DIAPH3: variants seen among roughly 807,000 people sequenced by gnomAD.
DIAPH3 encodes diaphanous related formin 3, also known as protein diaphanous homolog 3.
Under a neutral mutation model 144.3 loss-of-function variants are expected in DIAPH3, and 117 were observed. That is an observed-to-expected ratio of 0.81 (90% CI 0.70 to 0.95). DIAPH3 has a LOEUF of 0.95. Ranked by LOEUF, DIAPH3 falls within the 40% of genes least tolerant of loss-of-function variation. The pLI, the probability that DIAPH3 is intolerant of heterozygous loss-of-function variation, is 0.00. For missense variants in DIAPH3, 1,421 were observed against 1,412.7 expected, an observed-to-expected ratio of 1.01 and a Z score of -0.09; for synonymous variants, 519 against 488.9, an observed-to-expected ratio of 1.06 and a Z score of -0.81.
At chr13:59,668,841 G>GTA (rs1330241823) in intron 27 of DIAPH3, among the ~76,000 whole-genome samples, 1 of 91,448 alleles carries the variant, frequency 1.1e-5, no homozygotes, top group East Asian at 4.6e-4. Flanking sequence ...ATATATGTAT[G>GTA]TATACACACA....
chr13:59,955,139 TTTGTAC>T (rs2049325575), intron 17 of DIAPH3, among the ~76,000 whole-genome samples: 1 of 151,802 alleles, frequency 6.6e-6, no homozygotes, highest in South Asian at 2.1e-4. Flanking sequence ...TGTATTTGTA[TTTGTAC>T]ATATGTATTT....
intron 21 of DIAPH3, among the ~76,000 whole-genome samples, chr13:59,874,207 C>T (rs1038490912): frequency 6.6e-6 from 1 of 152,150 alleles, no homozygotes; most frequent in African/African-American, 2.4e-5. Flanking sequence ...CACATCCATT[C>T]TTTCTAAGTT....
At chr13:59,797,591 A>G (rs1298719613) in intron 25 of DIAPH3, among the ~76,000 whole-genome samples, 7 of 152,220 alleles carry the variant, frequency 4.6e-5, no homozygotes, top group Admixed American at 4.6e-4. Context: ...GACTACAACA[A>G]TATCACCTGC....
chr13:59,918,635 A>C (rs1043347954), intron 18 of DIAPH3, among the ~76,000 whole-genome samples: 2 of 151,980 alleles, frequency 1.3e-5, no homozygotes, highest in Admixed American at 6.6e-5. Flanking sequence ...GGCTTAGGGC[A>C]CTCCCTAACA....
intron 27 of DIAPH3, among the ~76,000 whole-genome samples, chr13:59,670,534 T>C (rs1171474187): frequency 6.6e-6 from 1 of 150,948 alleles, no homozygotes; most frequent in African/African-American, 2.4e-5. Context: ...CCTATCCCAC[T>C]ATAATTAGAG....
chr13:59,742,885 G>A (rs949224119), intron 27 of DIAPH3, among the ~76,000 whole-genome samples: 10 of 152,114 alleles, frequency 6.6e-5, no homozygotes, highest in African/African-American at 1.4e-4. Flanking sequence ...TTTGGGGTAC[G>A]CATTTTCAAA....
chr13:60,069,063 GT>G (rs1210757533), intron 4 of DIAPH3, among the ~76,000 whole-genome samples: 1 of 152,136 alleles, frequency 6.6e-6, no homozygotes, highest in Non-Finnish European at 1.5e-5. Context: ...ACACCATACT[GT>G]TTTCAACAAT....
chr13:59,824,279 G>A lies in DIAPH3; in HGVS notation c.3027+8828C>T, dbSNP rs138929421. Among the ~76,000 whole-genome samples, 4 of 152,218 alleles carry A rather than the reference G, an allele frequency of 2.6e-5. No homozygotes were observed. In the East Asian group the frequency reaches 7.7e-4, roughly 29 times the overall value. ...TGTTTTGAGGGTATATGTATGTTAT[G>A]TAATTTGATTTTCAAAAAGTAACAT... is the stretch of plus-strand genomic sequence containing the variant. On this transcript the variant is annotated intron_variant, in intron 24 of 27. Coordinates refer to ENST00000400324, the MANE Select transcript of DIAPH3 (RefSeq NM_001042517.2).
At chr13:59,730,567 T>TA (rs1369518251) in intron 27 of DIAPH3, among the ~76,000 whole-genome samples, 1 of 152,088 alleles carries the variant, frequency 6.6e-6, no homozygotes, top group South Asian at 2.1e-4. Context: ...GGAAATAACT[T>TA]AAAAAACAAC....
chr13:59,672,114 C>T, intron 27 of DIAPH3, among the ~76,000 whole-genome samples: 1 of 152,222 alleles, frequency 6.6e-6, no homozygotes, highest in Non-Finnish European at 1.5e-5. Flanking sequence ...TTTCAGCCAA[C>T]AGTTGTTATG....
Position 60,125,394 on chromosome 13 carries a change from A to ATTTTTTTTTTTTTTTTTTTTTTTTTTTTT in DIAPH3, c.213+7562_213+7563insAAAAAAAAAAAAAAAAAAAAAAAAAAAAA, listed in dbSNP as rs56267083. Among the ~76,000 whole-genome samples, 10 of 97,862 alleles carry ATTTTTTTTTTTTTTTTTTTTTTTTTTTTT rather than the reference A, an allele frequency of 1.0e-4. 1 individual carries two copies. Among genetic ancestry groups the ATTTTTTTTTTTTTTTTTTTTTTTTTTTTT allele is most frequent in the Non-Finnish European group, 2.0e-4 (10 of 51,030 alleles). 64.2% of individuals were successfully genotyped at this position (97,862 alleles called of 152,430 possible). A position where few individuals can be genotyped will look rare whatever the true frequency, so the allele number is the denominator to read the frequency against. Reference sequence around the variant, plus strand: ...ATCTGCATACCATCACACCCAGCTAATTTTTTTTTTTTTTTTTTTTTTTTT... The same window carrying ATTTTTTTTTTTTTTTTTTTTTTTTTTTTT: ...ATCTGCATACCATCACACCCAGCTAATTTTTTTTTTTTTTTTTTTTTTTTTTTTTTTTTTTTTTTTTTTTTTTTTTTTTT... On this transcript the variant is annotated intron_variant, in intron 2 of 27. Coordinates refer to ENST00000400324, the MANE Select transcript of DIAPH3 (RefSeq NM_001042517.2).
Position 59,666,595 on chromosome 13 carries a change from G to T in DIAPH3, c.3571C>A (p.Arg1191=). The T allele has an allele frequency of 6.2e-7, 1 of 1,613,976 alleles. No individual in the cohort carries two copies. The highest frequency in any genetic ancestry group is 1.3e-5 in the African/African-American group (1 of 75,012). The change falls in exon 28 of 28, where the codon CGA becomes AGA. Residue 1191 remains arginine (R), a synonymous_variant. Transcript: ENST00000400324. ...AAAACCAGTTTAACTTATAAAGCTC[G>T]TAATCTTGCCAGCAGGGCTTCAACT... ...PEVEALLARL[R]AL is the part of the protein sequence containing the mutation.
intron 1 of DIAPH3, chr13:60,147,361 A>G (rs1431980923): frequency 6.6e-6 from 1 of 152,208 alleles, no homozygotes; most frequent in Non-Finnish European, 1.5e-5. Context: ...TTTGTTCATC[A>G]ATCTACTTGG....
intron 17 of DIAPH3, among the ~76,000 whole-genome samples, chr13:59,947,246 G>C (rs1265186876): frequency 6.6e-6 from 1 of 152,106 alleles, no homozygotes; most frequent in African/African-American, 2.4e-5. Flanking sequence ...ATAGATTATG[G>C]GGTACTGTAA....
At chr13:59,966,498 C>T (rs1400142351) in intron 17 of DIAPH3, among the ~76,000 whole-genome samples, 2 of 151,952 alleles carry the variant, frequency 1.3e-5, no homozygotes, top group South Asian at 2.1e-4. Context: ...TGATATATCA[C>T]GTATGCACAA....
At chr13:59,832,845 G>T (rs1290856459) in intron 24 of DIAPH3, 3 of 388,578 alleles carry the variant, frequency 7.7e-6, no homozygotes, top group African/African-American at 6.0e-5. Flanking sequence ...TCTGTAATTA[G>T]CCAGCAAGGG....
At chr13:60,003,531 A>C (rs1195106301) in intron 9 of DIAPH3, among the ~76,000 whole-genome samples, 4 of 150,352 alleles carry the variant, frequency 2.7e-5, no homozygotes, top group African/African-American at 4.9e-5. Flanking sequence ...ATATATATAG[A>C]TATATCTATC....
chr13:60,109,931 C>G (rs1187393686), intron 3 of DIAPH3, among the ~76,000 whole-genome samples: 1 of 152,104 alleles, frequency 6.6e-6, no homozygotes, highest in African/African-American at 2.4e-5. Context: ...TCAGCTTTCA[C>G]CAAAAGACAA....
intron 1 of DIAPH3, among the ~76,000 whole-genome samples, chr13:60,139,173 A>G (rs542816368): frequency 3.3e-5 from 5 of 152,336 alleles, no homozygotes; most frequent in African/African-American, 1.2e-4. Context: ...TTATTCTTCA[A>G]GGGCTCCAGA....
Sources: allele counts gnomAD v4.1 joint callset (sites outside exome capture counted in the v4.1 genomes callset), GRCh38; gene constraint gnomAD v4.1.1; transcripts MANE v1.5; gene names NCBI Gene and HGNC (gene_info 2026-07-23, HGNC 2026-07-21).